PCSK5: variants seen among roughly 807,000 people sequenced by gnomAD.
PCSK5 encodes prohormone convertase 5.
PCSK5 carries 129 observed loss-of-function variants against 233.2 expected under a neutral mutation model. The ratio of observed to expected loss-of-function variants is 0.55; its 90% CI spans 0.48 to 0.64. PCSK5 has a LOEUF of 0.64. Ranked by LOEUF, PCSK5 falls within the 30% of genes least tolerant of loss-of-function variation. The pLI is 0.00. For missense variants in PCSK5, 2,076 were observed against 2,430.1 expected (o/e 0.85, Z 3.06); for synonymous variants, 825 against 879.2 (o/e 0.94, Z 1.09).
chr9:76,145,289 AT>A (rs1823399135), intron 10 of PCSK5, among the ~76,000 whole-genome samples: 1 of 152,202 alleles, frequency 6.6e-6, no homozygotes, highest in Admixed American at 6.5e-5. Flanking sequence ...AACAAAAATG[AT>A]GGAAGCTTCA....
chr9:75,893,314 G>C (rs541847397), intron 1 of PCSK5, among the ~76,000 whole-genome samples: 2 of 152,276 alleles, frequency 1.3e-5, no homozygotes, highest in Admixed American at 1.3e-4. Context: ...CAGTGATTCA[G>C]ACCTGCTACT....
At position 76,219,010 on chromosome 9, in the gene PCSK5, T is replaced by G. The variant is rs564010886; in HGVS notation, c.2627-8493T>G. 5.9e-5 allele frequency among the ~76,000 whole-genome samples: 9 copies of G among 152,318 alleles called. No homozygotes were observed. The East Asian group carries it at 1.5e-3, about 26-fold the overall frequency. On this transcript the variant is annotated intron_variant, in intron 20 of 37. Coordinates refer to ENST00000674117, the MANE Select transcript of PCSK5 (RefSeq NM_001372043.1). ...GCCGCATTCCATACAGACCTGTCAC[T>G]GGGCAAACCTGCGGATCTCTTAGAC...
At chr9:76,013,053 C>T (rs1827797417) in intron 3 of PCSK5, among the ~76,000 whole-genome samples, 1 of 134,926 alleles carries the variant, frequency 7.4e-6, no homozygotes, top group Non-Finnish European at 1.8e-5. Context: ...TGAAATTCTG[C>T]ATCCCCTTTA....
intron 13 of PCSK5, among the ~76,000 whole-genome samples, chr9:76,171,528 G>A (rs1823329255): frequency 6.6e-6 from 1 of 152,156 alleles, no homozygotes; most frequent in South Asian, 2.1e-4. Context: ...ATAAGCCCAG[G>A]CTGCTCCTAA....
In PCSK5 at chr9:76,351,513, AAAGAAAGAAAGAAAGAAAGG is replaced by A. The variant is rs1206991144; in HGVS notation, c.5067+589_5067+608del. On this transcript the variant is annotated intron_variant, in intron 36 of 37. Transcript: ENST00000674117. ...GAAAGAAAGAAAGAAAGAAAGAAAG[AAAGAAAGAAAGAAAGAAAGG>A]AAGGAAAGAAAGAGAAAGAAGAGAG... Among the ~76,000 whole-genome samples the A allele has an allele frequency of 8.5e-4, 102 of 119,874 alleles. 11 individuals are homozygous for A. The highest frequency in any genetic ancestry group is 2.1e-3 in the African/African-American group (73 of 34,004). 78.6% of individuals were successfully genotyped at this position (119,874 alleles called of 152,430 possible).
chr9:76,186,650 A>G (rs1305485895), intron 17 of PCSK5, among the ~76,000 whole-genome samples: 1 of 152,056 alleles, frequency 6.6e-6, no homozygotes, highest in Non-Finnish European at 1.5e-5. Context: ...TTCTCCATAC[A>G]GTGCAACCTC....
At chr9:76,346,861 T>G (rs1829994469) in intron 35 of PCSK5, among the ~76,000 whole-genome samples, 1 of 152,156 alleles carries the variant, frequency 6.6e-6, no homozygotes, top group African/African-American at 2.4e-5. Context: ...ACCAGCTAAA[T>G]TATATTTCGT....
At chr9:76,196,677 A>G (rs1044077628) in intron 20 of PCSK5, among the ~76,000 whole-genome samples, 1 of 152,220 alleles carries the variant, frequency 6.6e-6, no homozygotes, top group African/African-American at 2.4e-5. Flanking sequence ...AATTAATTTT[A>G]TTGATCACTT....
chr9:75,946,736 C>G (rs902902987), intron 2 of PCSK5, among the ~76,000 whole-genome samples: 2 of 152,002 alleles, frequency 1.3e-5, no homozygotes, highest in Admixed American at 1.3e-4. Flanking sequence ...TTACAGGTGC[C>G]CACCACCATG....
At chr9:76,008,529 T>G (rs1265921184) in intron 3 of PCSK5, among the ~76,000 whole-genome samples, 1 of 152,004 alleles carries the variant, frequency 6.6e-6, no homozygotes, top group East Asian at 1.9e-4. Context: ...TGGCGCAATC[T>G]TGGCTCACCA....
intron 7 of PCSK5, among the ~76,000 whole-genome samples, chr9:76,078,877 G>A (rs1051378010): frequency 6.6e-6 from 1 of 152,162 alleles, no homozygotes; most frequent in African/African-American, 2.4e-5. Context: ...TTGATAGTTT[G>A]TTAGGAAAAG....
At chr9:76,343,103 T>G (rs976235103) in intron 35 of PCSK5, among the ~76,000 whole-genome samples, 1 of 152,110 alleles carries the variant, frequency 6.6e-6, no homozygotes, top group South Asian at 2.1e-4. Context: ...GATCTCTTTA[T>G]ACAACAAATA....
chr9:76,320,208 G>A (rs550467952), intron 30 of PCSK5, among the ~76,000 whole-genome samples: 20 of 151,956 alleles, frequency 1.3e-4, no homozygotes, highest in African/African-American at 4.1e-4. Flanking sequence ...AATAAGCACC[G>A]TAGGCTGGAC....
In PCSK5 at chr9:76,222,898, T is replaced by C. The variant is rs559640378; in HGVS notation, c.2627-4605T>C. On this transcript the variant is annotated intron_variant, in intron 20 of 37. Transcript: ENST00000674117. Reference sequence around the variant, plus strand: ...TTTAATAAAAATTATCTTCACAGAATGGTATCTTAAGTTGGAAACTACATG... The same window carrying C: ...TTTAATAAAAATTATCTTCACAGAACGGTATCTTAAGTTGGAAACTACATG... 2.3e-4 allele frequency among the ~76,000 whole-genome samples: 35 copies of C among 152,346 alleles called. 1 individual carries two copies. Among genetic ancestry groups the C allele is most frequent in the Admixed American group, 3.3e-4 (5 of 15,306 alleles).
In PCSK5 at chr9:76,310,841, A is replaced by G; in HGVS notation, c.3874A>G (p.Lys1292Glu). The G allele has an allele frequency of 6.3e-7, 1 of 1,593,818 alleles. No individual in the cohort carries two copies. The highest frequency in any genetic ancestry group is 8.5e-7 in the Non-Finnish European group (1 of 1,171,856). The change falls in exon 30 of 38, where the codon AAG becomes GAG. Residue 1292 changes from lysine to glutamate, a missense_variant. Transcript: ENST00000674117. ...CCTCCATGAAGGCAGGTGCTACTCC[A>G]AGTGCCCGGAGTAAGTTTCCTTTTT... is the stretch of plus-strand genomic sequence containing the variant. ...LFLHEGRCYS[K>E]CPEGSYAEDG...
intron 6 of PCSK5, among the ~76,000 whole-genome samples, chr9:76,069,982 C>T (rs918361736): frequency 6.7e-6 from 1 of 149,880 alleles, no homozygotes; most frequent in African/African-American, 2.5e-5. Context: ...ACAAACTTTC[C>T]AATTTCCATT....
intron 1 of PCSK5, among the ~76,000 whole-genome samples, chr9:75,917,170 G>GAAAA (rs34529382): frequency 6.7e-5 from 7 of 104,150 alleles, no homozygotes; most frequent in African/African-American, 1.4e-4. Flanking sequence ...CTCCGTCTCA[G>GAAAA]AAAAAAAAAA....
intron 2 of PCSK5, among the ~76,000 whole-genome samples, chr9:75,942,432 A>T (rs1824354172): frequency 6.6e-6 from 1 of 152,212 alleles, no homozygotes; most frequent in Non-Finnish European, 1.5e-5. Flanking sequence ...TGATGCTCAC[A>T]TGGCCACACA....
chr9:75,902,214 T>TA (rs200579439), intron 1 of PCSK5, among the ~76,000 whole-genome samples: 666 of 53,210 alleles, frequency 0.013, 26 homozygotes, highest in African/African-American at 0.03. Context: ...AGACACCATC[T>TA]AAAAAAAAAA....
Sources: allele counts gnomAD v4.1 joint callset (sites outside exome capture counted in the v4.1 genomes callset), GRCh38; gene constraint gnomAD v4.1.1; transcripts MANE v1.5; gene names NCBI Gene and HGNC (gene_info 2026-07-23, HGNC 2026-07-21).